ADARB2: variants seen among roughly 807,000 people sequenced by gnomAD.
ADARB2 encodes inactive double-stranded RNA-specific editase B2.
Under a neutral mutation model 62.2 loss-of-function variants are expected in ADARB2, and 25 were observed. The ratio of observed to expected loss-of-function variants is 0.40; its 90% CI spans 0.29 to 0.56. The LOEUF is 0.56. Among genes scored for constraint, ADARB2 ranks in the 20% least tolerant of loss-of-function variants. ADARB2 has a pLI of 0.43. For synonymous variants in ADARB2, 572 were observed against 500.8 expected (o/e 1.14, Z -1.90); for missense variants, 1,071 against 1,077.4 (o/e 0.99, Z 0.08).
intron 1 of ADARB2, among the ~76,000 whole-genome samples, chr10:1,402,184 T>C (rs113868765): frequency 0.019 from 2,896 of 152,304 alleles, 40 homozygotes; most frequent in Middle Eastern, 0.044. Flanking sequence ...ATTTAGCCTG[T>C]GCTGAGCCCC....
chr10:1,621,350 T>C (rs1833702036), intron 1 of ADARB2, among the ~76,000 whole-genome samples: 1 of 152,098 alleles, frequency 6.6e-6, no homozygotes, highest in South Asian at 2.1e-4. Context: ...AACAAGAACA[T>C]TGTTACATTT....
intron 1 of ADARB2, among the ~76,000 whole-genome samples, chr10:1,638,305 T>C (rs920880764): frequency 2.6e-5 from 4 of 152,222 alleles, no homozygotes; most frequent in African/African-American, 9.6e-5. Flanking sequence ...TTTCCCCATT[T>C]AGAGTTTGGG....
At chr10:1,580,292 G>A (rs1395119813) in intron 1 of ADARB2, among the ~76,000 whole-genome samples, 4 of 152,112 alleles carry the variant, frequency 2.6e-5, no homozygotes, top group African/African-American at 4.8e-5. Flanking sequence ...CAAGCAGGGT[G>A]TGTATTGGTC....
At chr10:1,596,647 C>T (rs1833339810) in intron 1 of ADARB2, among the ~76,000 whole-genome samples, 1 of 152,158 alleles carries the variant, frequency 6.6e-6, no homozygotes, top group South Asian at 2.1e-4. Context: ...GGCTGAGTGG[C>T]TGAGACCAGG....
chr10:1,589,281 A>C (rs1833218498), intron 1 of ADARB2, among the ~76,000 whole-genome samples: 1 of 152,234 alleles, frequency 6.6e-6, no homozygotes, highest in South Asian at 2.1e-4. Flanking sequence ...CCAGGGGAGA[A>C]CGTATGGTGG....
At chr10:1,213,202 GAGAC>G (rs1465694213) in intron 7 of ADARB2, among the ~76,000 whole-genome samples, 1 of 152,036 alleles carries the variant, frequency 6.6e-6, no homozygotes, top group Non-Finnish European at 1.5e-5. Context: ...AAGACAAAGA[GAGAC>G]AGAGATGGGC....
At chr10:1,497,788 T>C (rs1427125210) in intron 1 of ADARB2, among the ~76,000 whole-genome samples, 1 of 152,174 alleles carries the variant, frequency 6.6e-6, no homozygotes. Context: ...TCCTGAGATA[T>C]CTGCAGAAGT....
chr10:1,345,756 T>G (rs1832075472), intron 3 of ADARB2, among the ~76,000 whole-genome samples: 2 of 152,232 alleles, frequency 1.3e-5, no homozygotes, highest in South Asian at 4.1e-4. Flanking sequence ...TTCAGTCTAT[T>G]CTTAGCATTT....
At chr10:1,412,412 TA>T (rs1325010256) in intron 1 of ADARB2, among the ~76,000 whole-genome samples, 1 of 152,178 alleles carries the variant, frequency 6.6e-6, no homozygotes, top group African/African-American at 2.4e-5. Context: ...AATCCATGTT[TA>T]AATGAAACCT....
rs1830845815 is a variant in ADARB2 at position 1,437,422 on chromosome 10, G to GCTTATGGTACAAAGACTAAGA, written c.101-58283_101-58263dup. ...ATCCATAGAGTCACAGGACACACAT[G>GCTTATGGTACAAAGACTAAGA]CTTATGGTACAAAGACTAAGAAGCG... On this transcript the variant is annotated intron_variant, in intron 1 of 9. Coordinates refer to ENST00000381312, the MANE Select transcript of ADARB2 (RefSeq NM_018702.4). Among the ~76,000 whole-genome samples the GCTTATGGTACAAAGACTAAGA allele has an allele frequency of 2.0e-5, 3 of 152,252 alleles. No homozygotes were observed. In the South Asian group the frequency reaches 6.2e-4, roughly 32 times the overall value.
intron 1 of ADARB2, among the ~76,000 whole-genome samples, chr10:1,522,220 G>C (rs11250581): frequency 0.18 from 26,748 of 152,140 alleles, 2,776 homozygotes; most frequent in East Asian, 0.39. Flanking sequence ...AGTTCTCAGA[G>C]AGCCTCACGT....
chr10:1,650,314 G>T (rs184017285), intron 1 of ADARB2, among the ~76,000 whole-genome samples: 1 of 152,200 alleles, frequency 6.6e-6, no homozygotes, highest in South Asian at 2.1e-4. Flanking sequence ...AAAATTCTGG[G>T]TTTGCAAGGG....
intron 3 of ADARB2, among the ~76,000 whole-genome samples, chr10:1,334,054 C>T (rs966251407): frequency 6.6e-6 from 1 of 152,172 alleles, no homozygotes. Flanking sequence ...GTTATTTCTG[C>T]CAAGGTGTGT....
At chr10:1,648,027 G>A (rs1019898917) in intron 1 of ADARB2, among the ~76,000 whole-genome samples, 3 of 152,088 alleles carry the variant, frequency 2.0e-5, no homozygotes, top group Non-Finnish European at 4.4e-5. Flanking sequence ...TCTCTGAGAG[G>A]GATAATTTAG....
intron 1 of ADARB2, among the ~76,000 whole-genome samples, chr10:1,408,488 G>A (rs1832726477): frequency 6.6e-6 from 1 of 152,082 alleles, no homozygotes; most frequent in Non-Finnish European, 1.5e-5. Context: ...GCGAAAGGGA[G>A]TCAAGAATGT....
intron 1 of ADARB2, among the ~76,000 whole-genome samples, chr10:1,420,283 AT>A (rs1832840935): frequency 6.6e-6 from 1 of 152,198 alleles, no homozygotes; most frequent in South Asian, 2.1e-4. Flanking sequence ...CTTTGTAAGT[AT>A]TTTTACATGG....
chr10:1,675,911 A>G, intron 1 of ADARB2: 1 of 818,830 alleles, frequency 1.2e-6, no homozygotes, highest in Non-Finnish European at 1.5e-6. Context: ...GGGGCTGCAG[A>G]GGTCCGCGTG....
At chr10:1,298,670 C>T (rs1831545187) in intron 3 of ADARB2, among the ~76,000 whole-genome samples, 1 of 148,648 alleles carries the variant, frequency 6.7e-6, no homozygotes, top group African/African-American at 2.5e-5. Context: ...GGCACGTGCC[C>T]CACTGCAGAG....
intron 1 of ADARB2, among the ~76,000 whole-genome samples, chr10:1,386,820 T>C (rs1014697716): frequency 5.9e-5 from 9 of 151,926 alleles, no homozygotes; most frequent in African/African-American, 9.6e-5. Context: ...AAGTTACATT[T>C]ATAGAACACT....
Sources: allele counts gnomAD v4.1 joint callset (sites outside exome capture counted in the v4.1 genomes callset), GRCh38; gene constraint gnomAD v4.1.1; transcripts MANE v1.5; gene names NCBI Gene and HGNC (gene_info 2026-07-23, HGNC 2026-07-21).